Variants in CNTNAP5 observed in about 807,000 individuals in gnomAD.
CNTNAP5 encodes the protein contactin-associated protein-like 5.
In CNTNAP5, 72 loss-of-function variants were observed where a neutral mutation model predicts 150.2. The ratio of observed to expected loss-of-function variants is 0.48; its 90% confidence interval spans 0.40 to 0.58. The LOEUF (loss-of-function observed/expected upper bound fraction) is 0.58. CNTNAP5 is among the 20% of genes least tolerant of loss of function. CNTNAP5 has a pLI of 0.00. For synonymous variants in CNTNAP5, 672 were observed against 619.8 expected (o/e 1.08, Z -1.25); for missense variants, 1,636 against 1,626.2 (o/e 1.01, Z -0.10).
At chr2:124,443,061 G>A (rs911900728) in intron 5 of CNTNAP5, among the ~76,000 whole-genome samples, 1 of 151,954 alleles carries the variant, frequency 6.6e-6, no homozygotes, top group African/African-American at 2.4e-5. Flanking sequence ...TTGTCCTCCA[G>A]TTCTTTATCT....
intron 3 of CNTNAP5, among the ~76,000 whole-genome samples, chr2:124,247,325 C>T (rs1687054710): frequency 6.6e-6 from 1 of 152,062 alleles, no homozygotes; most frequent in Non-Finnish European, 1.5e-5. Flanking sequence ...GCTAGGCTTA[C>T]AAAGGGGCTT....
At chr2:124,814,641 T>G (rs151257518) in intron 19 of CNTNAP5, among the ~76,000 whole-genome samples, 90 of 152,212 alleles carry the variant, frequency 5.9e-4, no homozygotes, top group African/African-American at 2.1e-3. Context: ...TCAAAAGAGT[T>G]CACTGGCATA....
At chr2:124,300,661 T>A (rs1688550699) in intron 3 of CNTNAP5, among the ~76,000 whole-genome samples, 2 of 152,134 alleles carry the variant, frequency 1.3e-5, no homozygotes, top group South Asian at 4.1e-4. Flanking sequence ...AAGAGGTTAG[T>A]TTATGCTGAA....
chr2:124,490,886 C>T (rs1041347760), intron 7 of CNTNAP5, among the ~76,000 whole-genome samples: 31 of 151,942 alleles, frequency 2.0e-4, no homozygotes, highest in African/African-American at 6.3e-4. Flanking sequence ...TTTTTAAATA[C>T]TGCTACTAGA....
intron 12 of CNTNAP5, among the ~76,000 whole-genome samples, chr2:124,610,641 A>C (rs114115223): frequency 0.011 from 1,607 of 152,206 alleles, 31 homozygotes; most frequent in African/African-American, 0.036. Flanking sequence ...CACAAAACCA[A>C]ATCTTGAGGT....
chr2:124,192,573 G>A (rs1181465953), intron 1 of CNTNAP5, among the ~76,000 whole-genome samples: 1 of 152,108 alleles, frequency 6.6e-6, no homozygotes, highest in East Asian at 1.9e-4. Flanking sequence ...CAGAATCAGA[G>A]TGTCAAAACT....
intron 13 of CNTNAP5, among the ~76,000 whole-genome samples, chr2:124,707,122 G>GA (rs762607196): frequency 1.5e-5 from 1 of 66,836 alleles, no homozygotes; most frequent in Non-Finnish European, 3.2e-5. Context: ...GGAAGAAGAA[G>GA]AAAGAAGAAG....
chr2:124,520,751 C>G (rs1229248189), intron 8 of CNTNAP5, among the ~76,000 whole-genome samples: 2 of 152,076 alleles, frequency 1.3e-5, no homozygotes, highest in African/African-American at 2.4e-5. Context: ...ACATTCTCGG[C>G]CTAAAAGGTG....
At position 124,093,231 on chromosome 2, in the gene CNTNAP5, T is replaced by G. The variant is rs1206143559; in HGVS notation, c.82+67499T>G. On this transcript the variant is annotated intron_variant, in intron 1 of 23. Transcript: ENST00000682447. The stretch of plus-strand genomic sequence containing the variant: ...CTCATTCTGGTACATTCTTGCAATA[T>G]GAAATTGGCAAGTCCTTTGGCTTTT... Among the ~76,000 whole-genome samples, 10 of 152,234 alleles carry G rather than the reference T, an allele frequency of 6.6e-5. No individual in the cohort carries two copies. The East Asian group carries it at 1.9e-3, about 29-fold the overall frequency.
chr2:124,221,007 C>A (rs567060776), intron 1 of CNTNAP5, among the ~76,000 whole-genome samples: 3 of 152,046 alleles, frequency 2.0e-5, no homozygotes, highest in Non-Finnish European at 4.4e-5. Context: ...TTGCTCATGG[C>A]CCCACCCTGT....
intron 2 of CNTNAP5, among the ~76,000 whole-genome samples, chr2:124,238,915 C>T (rs1162333221): frequency 2.6e-5 from 4 of 152,134 alleles, no homozygotes; most frequent in Non-Finnish European, 5.9e-5. Context: ...GGTGTCTTCC[C>T]TATTAGCTGT....
intron 12 of CNTNAP5, among the ~76,000 whole-genome samples, chr2:124,634,694 G>A (rs1185082318): frequency 6.6e-6 from 1 of 151,996 alleles, no homozygotes; most frequent in African/African-American, 2.4e-5. Flanking sequence ...GATAGAGATG[G>A]AGTTTCACCA....
intron 1 of CNTNAP5, among the ~76,000 whole-genome samples, chr2:124,036,949 A>G (rs1681238428): frequency 6.6e-6 from 1 of 152,162 alleles, no homozygotes; most frequent in African/African-American, 2.4e-5. Flanking sequence ...ACAAAGACTT[A>G]GCTATTGTTA....
At chr2:124,370,627 G>C (rs182872801) in intron 3 of CNTNAP5, among the ~76,000 whole-genome samples, 1 of 152,048 alleles carries the variant, frequency 6.6e-6, no homozygotes, top group Non-Finnish European at 1.5e-5. Flanking sequence ...TAATGAATAC[G>C]AAGTACAAAC....
intron 19 of CNTNAP5, among the ~76,000 whole-genome samples, chr2:124,826,795 A>G (rs992892560): frequency 6.6e-6 from 1 of 152,130 alleles, no homozygotes; most frequent in African/African-American, 2.4e-5. Context: ...GATAGCGCTC[A>G]CCTGAGCAGC....
intron 19 of CNTNAP5, among the ~76,000 whole-genome samples, chr2:124,811,400 A>G (rs1029582518): frequency 6.6e-6 from 1 of 152,188 alleles, no homozygotes; most frequent in Non-Finnish European, 1.5e-5. Flanking sequence ...TTACTTCGAT[A>G]AAAAATTGAA....
At chr2:124,607,880 C>G (rs1414725764) in intron 11 of CNTNAP5, among the ~76,000 whole-genome samples, 1 of 152,124 alleles carries the variant, frequency 6.6e-6, no homozygotes, top group Non-Finnish European at 1.5e-5. Context: ...CAGGTTTAGG[C>G]AAACAAAAAT....
At chr2:124,111,036 G>A (rs1330974095) in intron 1 of CNTNAP5, among the ~76,000 whole-genome samples, 3 of 152,142 alleles carry the variant, frequency 2.0e-5, no homozygotes, top group Non-Finnish European at 4.4e-5. Context: ...ATCAAAGTGC[G>A]ATTTGTCCAG....
At chr2:124,544,333 GC>G (rs1333710437) in intron 10 of CNTNAP5, among the ~76,000 whole-genome samples, 1 of 152,124 alleles carries the variant, frequency 6.6e-6, no homozygotes, top group African/African-American at 2.4e-5. Context: ...GCTAATTTTA[GC>G]TAAAGAACTA....
Sources: allele counts gnomAD v4.1 joint callset (sites outside exome capture counted in the v4.1 genomes callset), GRCh38; gene constraint gnomAD v4.1.1; transcripts MANE v1.5; gene names NCBI Gene and HGNC (gene_info 2026-07-23, HGNC 2026-07-21).